The following CAMTA1 variants were observed in gnomAD, a reference collection of about 807,000 sequenced individuals.
The protein encoded by CAMTA1 is calmodulin-binding transcription activator 1.
CAMTA1 carries 27 observed loss-of-function variants against 170.9 expected under a neutral mutation model. That is an observed-to-expected ratio of 0.16 (90% CI 0.12 to 0.22). The LOEUF (loss-of-function observed/expected upper bound fraction) is 0.22, where lower values mean the gene tolerates loss of function less well. Ranked by LOEUF, CAMTA1 falls within the 10% of genes least tolerant of loss-of-function variation. The pLI is 1.00. For synonymous variants in CAMTA1, 833 were observed against 891.5 expected, an observed-to-expected ratio of 0.93 and a Z score of 1.17; for missense variants, 1,619 against 2,217.2, an observed-to-expected ratio of 0.73 and a Z score of 5.42.
At chr1:7,528,214 A>G (rs531401791) in intron 6 of CAMTA1, among the ~76,000 whole-genome samples, 3 of 151,960 alleles carry the variant, frequency 2.0e-5, no homozygotes, top group Non-Finnish European at 4.4e-5. Context: ...GTTGGTAATG[A>G]AAAAAAACAA....
intron 5 of CAMTA1, among the ~76,000 whole-genome samples, chr1:7,348,868 A>G (rs1176776972): frequency 6.6e-6 from 1 of 152,242 alleles, no homozygotes; most frequent in African/African-American, 2.4e-5. Context: ...GATTGAGGAA[A>G]GATTTTCCAA....
rs1557537582 is a variant in CAMTA1, at chr1:7,335,156, G to T, written c.438+85530G>T. ...TGTGTGTGTGGGGGGGGGGGGGGGG[G>T]GTGGGGGTGGGGGGTGTCAGACCCC... On this transcript the variant is annotated intron_variant, in intron 5 of 22. Transcript: ENST00000303635. Among the ~76,000 whole-genome samples, 191 of 89,858 alleles carry T rather than the reference G, an allele frequency of 2.1e-3. 1 individual carries two copies. Among genetic ancestry groups the T allele is most frequent in the Middle Eastern group, 5.0e-3 (1 of 200 alleles). 59.0% of individuals were successfully genotyped at this position (89,858 alleles called of 152,430 possible).
chr1:7,754,515 A>G (rs2096918372), intron 21 of CAMTA1, among the ~76,000 whole-genome samples: 1 of 152,238 alleles, frequency 6.6e-6, no homozygotes, highest in African/African-American at 2.4e-5. Context: ...ACATAAATTC[A>G]TGAAAGGTTG....
At chr1:7,412,063 C>T (rs1021220758) in intron 5 of CAMTA1, among the ~76,000 whole-genome samples, 1 of 152,062 alleles carries the variant, frequency 6.6e-6, no homozygotes, top group Non-Finnish European at 1.5e-5. Context: ...CCAGTTTCAT[C>T]CATGTCCCTG....
rs970073936 is a variant in CAMTA1 at position 7,585,436 on chromosome 1, G to A, written c.511-54964G>A. ...AAGGCCCTGGGGTGGACATAAGCTT[G>A]AAGTCTCTGAAAAACAGCCAGGAGC... is the stretch of plus-strand genomic sequence containing the variant. On this transcript the variant is annotated intron_variant, in intron 6 of 22. Transcript: ENST00000303635. This position sits in a 1 kb window ranked among gnomAD's most constrained non-coding sequence, Gnocchi z 4.8. Among the ~76,000 whole-genome samples, 1 of 152,176 alleles carries A rather than the reference G, an allele frequency of 6.6e-6. No individual in the cohort carries two copies.
intron 5 of CAMTA1, among the ~76,000 whole-genome samples, chr1:7,272,712 A>AAAAAAAAAAAAAAAAAG (rs1670017608): frequency 1.6e-4 from 18 of 109,878 alleles, no homozygotes; most frequent in Non-Finnish European, 2.8e-4. Context: ...AAAAAAAAAA[A>AAAAAAAAAAAAAAAAAG]AAAAGAAAAG....
chr1:7,603,706 T>G (rs1408083200), intron 6 of CAMTA1, among the ~76,000 whole-genome samples: 1 of 152,200 alleles, frequency 6.6e-6, no homozygotes. Context: ...TTATTATGTG[T>G]GAATTTGATC....
At chr1:7,410,795 G>C (rs952107781) in intron 5 of CAMTA1, among the ~76,000 whole-genome samples, 1 of 152,190 alleles carries the variant, frequency 6.6e-6, no homozygotes, top group Non-Finnish European at 1.5e-5. Context: ...CTGTGGAAAA[G>C]CAGGGCGTTC....
At chr1:6,957,859 C>T (rs1443977054) in intron 3 of CAMTA1, among the ~76,000 whole-genome samples, 1 of 152,174 alleles carries the variant, frequency 6.6e-6, no homozygotes, top group Non-Finnish European at 1.5e-5. Flanking sequence ...GGGCTTTGAG[C>T]CAGCTTGACT....
chr1:7,502,059 G>A (rs1308890987), intron 6 of CAMTA1, among the ~76,000 whole-genome samples: 3 of 152,240 alleles, frequency 2.0e-5, no homozygotes, highest in African/African-American at 7.2e-5. Context: ...GCAGCAAGGC[G>A]CCTGCTGGTT....
intron 3 of CAMTA1, among the ~76,000 whole-genome samples, chr1:6,932,189 C>T (rs1269585780): frequency 6.6e-6 from 1 of 152,184 alleles, no homozygotes; most frequent in East Asian, 1.9e-4. Flanking sequence ...CAGGGCCTCC[C>T]CCCTCCTCGC....
At chr1:7,118,749 C>A (rs956424646) in intron 4 of CAMTA1, among the ~76,000 whole-genome samples, 55 of 152,114 alleles carry the variant, frequency 3.6e-4, no homozygotes, top group African/African-American at 1.3e-3. Flanking sequence ...ACACTCCACA[C>A]CCTGAGTGGG....
chr1:7,610,657 G>A (rs1339430570), intron 6 of CAMTA1, among the ~76,000 whole-genome samples: 1 of 152,226 alleles, frequency 6.6e-6, no homozygotes, highest in East Asian at 1.9e-4. Context: ...CCCCAGGGAA[G>A]GGAGGGAGTG....
chr1:7,500,363 GTA>G (rs1158485938), intron 6 of CAMTA1, among the ~76,000 whole-genome samples: 4 of 151,922 alleles, frequency 2.6e-5, no homozygotes, highest in African/African-American at 4.8e-5. Flanking sequence ...GCGTGTGTAT[GTA>G]TATGAGTGTG....
intron 3 of CAMTA1, chr1:6,872,001 C>T: frequency 1.4e-5 from 17 of 1,191,852 alleles, no homozygotes; most frequent in Non-Finnish European, 1.8e-5. Context: ...TATTAAAATT[C>T]ATTTCAGTTT....
chr1:7,434,551 A>G (rs1410550564), intron 5 of CAMTA1, among the ~76,000 whole-genome samples: 3 of 152,122 alleles, frequency 2.0e-5, no homozygotes, highest in Non-Finnish European at 4.4e-5. Flanking sequence ...GTTCTCTAAA[A>G]TGAGTCTGAC....
chr1:6,848,728 T>G (rs1340876543), intron 3 of CAMTA1, among the ~76,000 whole-genome samples: 1 of 152,212 alleles, frequency 6.6e-6, no homozygotes, highest in Non-Finnish European at 1.5e-5. Flanking sequence ...TGAATTAAAC[T>G]GACAGATGAT....
At chr1:7,750,229 G>T (rs998284295) in intron 19 of CAMTA1, among the ~76,000 whole-genome samples, 6 of 152,184 alleles carry the variant, frequency 3.9e-5, no homozygotes, top group Non-Finnish European at 5.9e-5. Flanking sequence ...ACCAAAGAAG[G>T]TTCTTGCAGA....
intron 6 of CAMTA1, among the ~76,000 whole-genome samples, chr1:7,622,525 ACCAG>A (rs2095605827): frequency 6.6e-6 from 1 of 152,232 alleles, no homozygotes; most frequent in South Asian, 2.1e-4. Context: ...TTAACAAATA[ACCAG>A]CAAAACAGAG....
Sources: allele counts gnomAD v4.1 joint callset (sites outside exome capture counted in the v4.1 genomes callset), GRCh38; gene constraint gnomAD v4.1.1; non-coding constraint Gnocchi (gnomAD v3.1); transcripts MANE v1.5; gene names NCBI Gene and HGNC (gene_info 2026-07-23, HGNC 2026-07-21).